MYO18B: variants seen among roughly 807,000 people sequenced by gnomAD.
MYO18B encodes unconventional myosin-XVIIIb.
Under a neutral mutation model 273.0 loss-of-function variants are expected in MYO18B, and 204 were observed. The ratio of observed to expected loss-of-function variants is 0.75; its 90% CI spans 0.67 to 0.84. The LOEUF is 0.84. Among genes scored for constraint, MYO18B ranks in the 40% least tolerant of loss-of-function variants. MYO18B has a pLI of 0.00. For synonymous variants in MYO18B, 1,330 were observed against 1,305.7 expected, an observed-to-expected ratio of 1.02 and a Z score of -0.40; for missense variants, 3,212 against 3,287.6, an observed-to-expected ratio of 0.98 and a Z score of 0.56.
rs1218216936 is a variant in MYO18B, at chr22:25,770,855, C to G, written c.1580-17C>G. On this transcript the variant is annotated splice_polypyrimidine_tract_variant and intron_variant, in intron 5 of 43. Coordinates refer to ENST00000335473, the MANE Select transcript of MYO18B (RefSeq NM_032608.7). ...TCTCCTCCCCGTTCCCCTTCTCTCT[C>G]TGGGATGTCCAACCAGCTACGGTGC... 2.9e-5 allele frequency: 45 copies of G among 1,540,358 alleles called. No homozygotes were observed. The highest frequency in any genetic ancestry group is 3.9e-5 in the Non-Finnish European group (44 of 1,136,588).
chr22:26,034,033 A>G (rs1187476014), downstream of MYO18B, among the ~76,000 whole-genome samples: 1 of 151,352 alleles, frequency 6.6e-6, no homozygotes, highest in Non-Finnish European at 1.5e-5. Flanking sequence ...GCTCTCTGCA[A>G]CCTCTGCCTC....
intron 38 of MYO18B, among the ~76,000 whole-genome samples, 181 bp downstream of exon 38, chr22:25,952,604 C>T (rs2092805592): frequency 6.6e-6 from 1 of 152,166 alleles, no homozygotes; most frequent in African/African-American, 2.4e-5. Context: ...CCTCAAGCCA[C>T]CTACCCATTT....
chr22:25,745,493 A>ACACG (rs2085752248), intron 1 of MYO18B, among the ~76,000 whole-genome samples: 1 of 151,596 alleles, frequency 6.6e-6, no homozygotes, highest in African/African-American at 2.4e-5. Flanking sequence ...ACACACACAC[A>ACACG]CACACACACG....
intron 12 of MYO18B, among the ~76,000 whole-genome samples, chr22:25,820,892 C>CT (rs928244171): frequency 1.3e-4 from 20 of 151,236 alleles, no homozygotes; most frequent in East Asian, 5.8e-4. Flanking sequence ...TTTATGAAAT[C>CT]TTTTTTTTTA....
intron 10 of MYO18B, among the ~76,000 whole-genome samples, chr22:25,784,793 G>A (rs1466031511): frequency 2.0e-5 from 3 of 152,190 alleles, no homozygotes; most frequent in African/African-American, 7.2e-5. Flanking sequence ...CCATCTGCTG[G>A]TCTCACTCTC....
At chr22:25,789,561 G>T (rs960243118) in intron 11 of MYO18B, among the ~76,000 whole-genome samples, 1 of 151,576 alleles carries the variant, frequency 6.6e-6, no homozygotes, top group Non-Finnish European at 1.5e-5. Context: ...ACTGGGACCT[G>T]GGAGGCAGAG....
At chr22:25,997,958 A>C (rs3070630) in intron 40 of MYO18B, among the ~76,000 whole-genome samples, 9,054 of 105,148 alleles carry the variant, frequency 0.086, 442 homozygotes, top group African/African-American at 0.23. Flanking sequence ...CACACACACA[A>C]ACACACACAC....
In MYO18B at chr22:25,991,096, A is replaced by G. The variant is rs150337548; in HGVS notation, c.6157-1267A>G. On this transcript the variant is annotated intron_variant, in intron 39 of 43. Transcript: ENST00000335473. ...GCCACAATTCTTATTTCTAATGTTG[A>G]TGTCTGCCTAAGAGCATCAAAGTGA... Among the ~76,000 whole-genome samples, 824 of 152,278 alleles carry G rather than the reference A, an allele frequency of 5.4e-3. 4 individuals carry two copies. The highest frequency in any genetic ancestry group is 9.8e-3 in the Non-Finnish European group (668 of 68,036).
chr22:26,010,148 C>T (rs185473186), intron 42 of MYO18B, among the ~76,000 whole-genome samples: 2 of 152,120 alleles, frequency 1.3e-5, no homozygotes, highest in Non-Finnish European at 2.9e-5. Context: ...TTCTACCCCC[C>T]ACCCAAACAA....
chr22:25,787,187 C>T (rs911919133), intron 11 of MYO18B, among the ~76,000 whole-genome samples: 12 of 150,812 alleles, frequency 8.0e-5, no homozygotes, highest in African/African-American at 2.7e-4. Context: ...TGCACTCCAG[C>T]GTGGGAGACA....
chr22:25,779,984 T>C (rs1045462622), intron 8 of MYO18B, 72 bp from the exon 9 acceptor site: 56 of 1,481,262 alleles, frequency 3.8e-5, no homozygotes, highest in Middle Eastern at 2.2e-4. Context: ...GTGGAAAAGG[T>C]GGACCTGTGT....
chr22:25,830,890 C>T (rs576619688), intron 15 of MYO18B, among the ~76,000 whole-genome samples: 11 of 152,254 alleles, frequency 7.2e-5, no homozygotes, highest in South Asian at 2.1e-4. Context: ...CCAAAGGGGC[C>T]GTTTTGAACA....
At chr22:25,820,203 C>A (rs1325398495) in intron 12 of MYO18B, among the ~76,000 whole-genome samples, 1 of 151,182 alleles carries the variant, frequency 6.6e-6, no homozygotes, top group African/African-American at 2.4e-5. Context: ...CGAGCATAGT[C>A]TGTAAAATGA....
intron 1 of MYO18B, among the ~76,000 whole-genome samples, chr22:25,759,627 C>T (rs1568975248): frequency 6.6e-6 from 1 of 152,046 alleles, no homozygotes; most frequent in Non-Finnish European, 1.5e-5. Flanking sequence ...ATGTAACAAA[C>T]CTGCATGTTC....
At chr22:25,860,591 G>A (rs1180016683) in intron 21 of MYO18B, among the ~76,000 whole-genome samples, 1 of 152,080 alleles carries the variant, frequency 6.6e-6, no homozygotes, top group Non-Finnish European at 1.5e-5. Flanking sequence ...TTGGCCCGTT[G>A]TTTATTAAGA....
intron 42 of MYO18B, among the ~76,000 whole-genome samples, chr22:26,017,962 GT>G (rs1339313323): frequency 1.5e-4 from 18 of 117,568 alleles, no homozygotes; most frequent in Non-Finnish European, 2.2e-4. Context: ...CAATTTTACT[GT>G]TTTGTTTTTT....
At chr22:25,903,129 T>A in intron 30 of MYO18B, 3 of 205,122 alleles carry the variant, frequency 1.5e-5, no homozygotes, top group Admixed American at 5.5e-5. Flanking sequence ...CTCATCCTTT[T>A]GTGGTTCTCT....
At chr22:25,858,014 T>C (rs145447153) in intron 21 of MYO18B, among the ~76,000 whole-genome samples, 98 of 152,384 alleles carry the variant, frequency 6.4e-4, no homozygotes, top group Non-Finnish European at 1.3e-3. Context: ...CAACCCAATG[T>C]AATTGGTGTG....
chr22:26,054,125 G>A, the MYO18B span, among the ~76,000 whole-genome samples: 8 of 152,252 alleles, frequency 5.3e-5, no homozygotes, highest in East Asian at 1.5e-3. Flanking sequence ...TTCTAGTCTG[G>A]GTGACTGCTA....
Sources: gnomAD v4.1 joint callset for allele counts (sites outside exome capture counted in the v4.1 genomes callset) on GRCh38, gnomAD v4.1.1 for gene constraint, MANE v1.5 for transcripts, NCBI Gene and HGNC (gene_info 2026-07-23, HGNC 2026-07-21) for gene names.